Variants in FBXL7 observed in about 807,000 individuals in gnomAD.
FBXL7 encodes F-box and leucine rich repeat protein 7, also known as F-box/LRR-repeat protein 7.
In FBXL7, 12 loss-of-function variants were observed where a neutral mutation model predicts 38.3. That is an observed-to-expected ratio of 0.31 (90% confidence interval 0.20 to 0.51). The LOEUF is 0.51. Ranked by LOEUF, FBXL7 falls within the 20% of genes least tolerant of loss-of-function variation. The pLI is 0.98. For missense variants in FBXL7, 567 were observed against 676.4 expected (o/e 0.84, Z 1.79); for synonymous variants, 297 against 300.9 (o/e 0.99, Z 0.13).
At chr5:15,501,860 ATGTGTATGTGTG>A in intron 1 of FBXL7, 4 of 347,980 alleles carry the variant, frequency 1.1e-5, no homozygotes, top group Non-Finnish European at 1.6e-5. Flanking sequence ...CCATATGTGC[ATGTGTATGTGTG>A]TGTGTGTGTG....
chr5:15,701,642 A>G (rs1258723247), intron 2 of FBXL7, among the ~76,000 whole-genome samples: 1 of 152,230 alleles, frequency 6.6e-6, no homozygotes, highest in Non-Finnish European at 1.5e-5. Flanking sequence ...CAACATGGGA[A>G]CATGATAAAT....
At chr5:15,691,417 C>T (rs1198425735) in intron 2 of FBXL7, among the ~76,000 whole-genome samples, 1 of 152,220 alleles carries the variant, frequency 6.6e-6, no homozygotes, top group East Asian at 1.9e-4. Flanking sequence ...GTTGCTCTTC[C>T]AAGCCTTTGC....
At chr5:15,707,464 A>G (rs1308840374) in intron 2 of FBXL7, among the ~76,000 whole-genome samples, 2 of 152,144 alleles carry the variant, frequency 1.3e-5, no homozygotes, top group African/African-American at 4.8e-5. Context: ...CATATTTGTG[A>G]CACCTAGCCT....
intron 1 of FBXL7, among the ~76,000 whole-genome samples, chr5:15,535,367 G>A (rs574567481): frequency 6.6e-6 from 1 of 152,308 alleles, no homozygotes; most frequent in Middle Eastern, 3.4e-3. Context: ...AGGAACGTGT[G>A]GGAAAGTTTG....
At chr5:15,808,830 G>A (rs1386315270) in intron 2 of FBXL7, among the ~76,000 whole-genome samples, 2 of 152,170 alleles carry the variant, frequency 1.3e-5, no homozygotes, top group Non-Finnish European at 2.9e-5. Context: ...GTGAGTTCAT[G>A]TAGGCCTGTT....
intron 2 of FBXL7, among the ~76,000 whole-genome samples, chr5:15,900,141 T>A (rs909836344): frequency 6.6e-6 from 1 of 152,286 alleles, no homozygotes; most frequent in East Asian, 1.9e-4. Context: ...ATATAATCAA[T>A]TTATTTTTTA....
chr5:15,558,374 A>T (rs1375553781), intron 1 of FBXL7, among the ~76,000 whole-genome samples: 1 of 152,158 alleles, frequency 6.6e-6, no homozygotes, highest in Admixed American at 6.5e-5. Context: ...AAGAATCATC[A>T]CTCAAGCCCA....
intron 2 of FBXL7, among the ~76,000 whole-genome samples, chr5:15,645,244 G>A (rs148165695): frequency 2.0e-5 from 3 of 152,148 alleles, no homozygotes; most frequent in South Asian, 2.1e-4. Context: ...CCCCCAAATC[G>A]CTAAGCTAAA....
intron 1 of FBXL7, among the ~76,000 whole-genome samples, chr5:15,566,629 T>C (rs1738580846): frequency 1.3e-5 from 2 of 152,116 alleles, no homozygotes; most frequent in South Asian, 4.1e-4. Flanking sequence ...AAATTACACA[T>C]TTCATACAAG....
intron 2 of FBXL7, among the ~76,000 whole-genome samples, chr5:15,719,168 C>T (rs1296971251): frequency 1.3e-5 from 2 of 151,140 alleles, no homozygotes; most frequent in East Asian, 2.0e-4. Flanking sequence ...TTTACACCCT[C>T]GTTTTTTTTC....
intron 1 of FBXL7, among the ~76,000 whole-genome samples, chr5:15,575,787 G>A (rs1450977482): frequency 6.6e-6 from 1 of 152,142 alleles, no homozygotes; most frequent in Non-Finnish European, 1.5e-5. Context: ...GGGAAATATG[G>A]TGTAATCTGT....
intron 2 of FBXL7, among the ~76,000 whole-genome samples, chr5:15,790,580 G>A (rs940349888): frequency 1.3e-5 from 2 of 152,068 alleles, no homozygotes; most frequent in East Asian, 3.9e-4. Context: ...CCTAGTCATT[G>A]GCCAAATATT....
At chr5:15,803,628 G>A (rs1348123826) in intron 2 of FBXL7, among the ~76,000 whole-genome samples, 1 of 145,692 alleles carries the variant, frequency 6.9e-6, no homozygotes, top group African/African-American at 2.6e-5. Context: ...TTTATAATGT[G>A]TCACATTTCA....
intron 2 of FBXL7, among the ~76,000 whole-genome samples, chr5:15,886,767 G>A (rs2126358971): frequency 6.6e-6 from 1 of 152,334 alleles, no homozygotes; most frequent in South Asian, 2.1e-4. Context: ...CAAAACTTTG[G>A]AAGCTGCATA....
chr5:15,810,640 T>C (rs1291302410), intron 2 of FBXL7, among the ~76,000 whole-genome samples: 2 of 152,210 alleles, frequency 1.3e-5, no homozygotes, highest in Non-Finnish European at 2.9e-5. Context: ...AATTTTTTAT[T>C]TGCATCTTTA....
chr5:15,673,646 C>G (rs1472959957), intron 2 of FBXL7, among the ~76,000 whole-genome samples: 4 of 152,126 alleles, frequency 2.6e-5, no homozygotes, highest in Non-Finnish European at 5.9e-5. Context: ...TTGGGATTGT[C>G]TTCAGAGTCT....
At chr5:15,744,808 T>C (rs1006627183) in intron 2 of FBXL7, among the ~76,000 whole-genome samples, 3 of 152,160 alleles carry the variant, frequency 2.0e-5, no homozygotes, top group Non-Finnish European at 4.4e-5. Flanking sequence ...TCAGGAAACT[T>C]ACAATCATGT....
In FBXL7 at chr5:15,932,526, T is replaced by G. The variant is rs75624875; in HGVS notation, c.740-3924T>G. Among the ~76,000 whole-genome samples, 15 of 152,270 alleles carry G rather than the reference T, an allele frequency of 9.9e-5. No individual in the cohort carries two copies. In the East Asian group the frequency reaches 2.9e-3, roughly 29 times the overall value. On this transcript the variant is annotated intron_variant, in intron 3 of 3. Transcript: ENST00000504595. ...TTGTCTATTCCCTACTGAATAATAT[T>G]TATATACCTTACCCTAGATGTCAAA...
chr5:15,616,165 T>C, intron 2 of FBXL7, 93 bp downstream of exon 2: 1 of 827,982 alleles, frequency 1.2e-6, no homozygotes, highest in Non-Finnish European at 2.0e-6. Flanking sequence ...AGTTCTATTC[T>C]CCTGAGTGGG....
Sources: allele counts gnomAD v4.1 joint callset (sites outside exome capture counted in the v4.1 genomes callset), GRCh38; gene constraint gnomAD v4.1.1; transcripts MANE v1.5; gene names NCBI Gene and HGNC (gene_info 2026-07-23, HGNC 2026-07-21).